STK32B: variants seen among roughly 807,000 people sequenced by gnomAD.
STK32B encodes the protein serine/threonine kinase 32B.
A neutral mutation model predicts 52.6 loss-of-function variants in STK32B; 43 were observed. That is an observed-to-expected ratio of 0.82 (90% confidence interval 0.64 to 1.05). STK32B has a LOEUF of 1.05. Ranked by LOEUF, STK32B falls within the 50% of genes least tolerant of loss-of-function variation. STK32B has a pLI of 0.00. For synonymous variants in STK32B, 238 were observed against 204.3 expected, an observed-to-expected ratio of 1.17 and a Z score of -1.41; for missense variants, 621 against 534.6, an observed-to-expected ratio of 1.16 and a Z score of -1.59.
At chr4:5,175,199 C>T (rs1172686655) in intron 3 of STK32B, among the ~76,000 whole-genome samples, 9 of 151,822 alleles carry the variant, frequency 5.9e-5, no homozygotes, top group East Asian at 3.9e-4. Flanking sequence ...GTTAGCCATT[C>T]GTCTAATTTT....
intron 1 of STK32B, among the ~76,000 whole-genome samples, chr4:5,095,195 G>T (rs191493567): frequency 6.6e-6 from 1 of 152,148 alleles, no homozygotes; most frequent in African/African-American, 2.4e-5. Context: ...GGTTCAGGTG[G>T]GTAAGGGCAG....
chr4:5,218,456 C>G (rs1000773305), intron 3 of STK32B, among the ~76,000 whole-genome samples: 3 of 152,162 alleles, frequency 2.0e-5, no homozygotes, highest in Non-Finnish European at 2.9e-5. Context: ...TTAGAGCTGA[C>G]TAATGGATTG....
At chr4:5,490,416 G>C (rs1019669888) in intron 11 of STK32B, among the ~76,000 whole-genome samples, 8 of 152,070 alleles carry the variant, frequency 5.3e-5, no homozygotes, top group Non-Finnish European at 1.0e-4. Context: ...CTGTTAGGCA[G>C]TCTTATGAAG....
At chr4:5,374,293 G>A (rs547204650) in intron 4 of STK32B, among the ~76,000 whole-genome samples, 16 of 152,264 alleles carry the variant, frequency 1.1e-4, no homozygotes, top group African/African-American at 3.4e-4. Flanking sequence ...CATGATTTTT[G>A]CTTTATCTGG....
At chr4:5,496,700 G>T (rs1720290117) in intron 11 of STK32B, among the ~76,000 whole-genome samples, 1 of 151,912 alleles carries the variant, frequency 6.6e-6, no homozygotes, top group African/African-American at 2.4e-5. Flanking sequence ...CTTGGCCCCA[G>T]GCCCATTTTC....
At chr4:5,255,515 G>A (rs866391284) in intron 3 of STK32B, among the ~76,000 whole-genome samples, 5 of 151,270 alleles carry the variant, frequency 3.3e-5, no homozygotes, top group Admixed American at 2.0e-4. Context: ...TATGCTTGTC[G>A]GTGACAACCA....
intron 3 of STK32B, among the ~76,000 whole-genome samples, chr4:5,314,606 G>C (rs1319507764): frequency 6.6e-6 from 1 of 152,268 alleles, no homozygotes; most frequent in Non-Finnish European, 1.5e-5. Context: ...GGAGGCGGAG[G>C]TTGCAGTGAG....
At chr4:5,092,876 G>A (rs981420110) in intron 1 of STK32B, among the ~76,000 whole-genome samples, 5 of 152,096 alleles carry the variant, frequency 3.3e-5, no homozygotes, top group African/African-American at 1.2e-4. Flanking sequence ...GGGGGACACA[G>A]ATCCAAACTG....
At chr4:5,444,203 G>GCTGC (rs948941695) in intron 6 of STK32B, among the ~76,000 whole-genome samples, 1 of 152,152 alleles carries the variant, frequency 6.6e-6, no homozygotes, top group Non-Finnish European at 1.5e-5. Flanking sequence ...CCCCAGCCTC[G>GCTGC]CTGCCGCCTT....
chr4:5,122,321 G>T (rs1252209834), intron 1 of STK32B, among the ~76,000 whole-genome samples: 1 of 146,390 alleles, frequency 6.8e-6, no homozygotes, highest in African/African-American at 2.7e-5. Flanking sequence ...CATTAATTCA[G>T]TCACCCATTC....
chr4:5,291,146 A>G (rs575463551), intron 3 of STK32B, among the ~76,000 whole-genome samples: 1 of 152,206 alleles, frequency 6.6e-6, no homozygotes, highest in South Asian at 2.1e-4. Context: ...TATTTTGGTG[A>G]TTATGTATCT....
intron 1 of STK32B, among the ~76,000 whole-genome samples, chr4:5,138,584 G>T (rs184203327): frequency 1.2e-4 from 19 of 152,272 alleles, no homozygotes; most frequent in Admixed American, 1.2e-3. Flanking sequence ...ACTAAACACT[G>T]TGCTGAGTGC....
intron 2 of STK32B, among the ~76,000 whole-genome samples, chr4:5,165,262 C>T (rs527781594): frequency 6.6e-6 from 1 of 152,254 alleles, no homozygotes; most frequent in South Asian, 2.1e-4. Flanking sequence ...AGGCTGCATC[C>T]AATATCCTGT....
intron 4 of STK32B, chr4:5,345,438 C>T (rs1016068530): frequency 4.0e-5 from 6 of 151,548 alleles, no homozygotes; most frequent in African/African-American, 1.2e-4. Flanking sequence ...GGCAAATAAA[C>T]GATACACTAA....
chr4:5,491,446 T>C (rs982059199), intron 11 of STK32B, among the ~76,000 whole-genome samples: 5 of 152,196 alleles, frequency 3.3e-5, no homozygotes, highest in Admixed American at 1.3e-4. Context: ...TCTTGTAAAT[T>C]TGTTTGAGTT....
chr4:5,345,363 TG>T (rs1560338820), intron 4 of STK32B: 1 of 152,052 alleles, frequency 6.6e-6, no homozygotes, highest in African/African-American at 2.4e-5. Context: ...CTTCAAACTC[TG>T]TCTTTAAATT....
At chr4:5,106,299 TC>T (rs1306134146) in intron 1 of STK32B, among the ~76,000 whole-genome samples, 1 of 152,094 alleles carries the variant, frequency 6.6e-6, no homozygotes, top group Admixed American at 6.5e-5. Flanking sequence ...AGACTCCATC[TC>T]AAAAAAAACT....
rs375108000 is a variant in STK32B at position 5,324,192 on chromosome 4, A to G, written c.261-7028A>G. Among the ~76,000 whole-genome samples, 39 of 152,296 alleles carry G rather than the reference A, an allele frequency of 2.6e-4. No homozygotes were observed. In the South Asian group the frequency reaches 7.2e-3, roughly 28 times the overall value. On this transcript the variant is annotated intron_variant, in intron 3 of 11. Transcript: ENST00000282908. ...AACATGATGAAACCTTGTCACTTTT[A>G]AAAATATAAAAGCTAGTCAGGTGTG...
At chr4:5,027,835 T>C in the STK32B span, among the ~76,000 whole-genome samples, 2 of 152,072 alleles carry the variant, frequency 1.3e-5, no homozygotes, top group African/African-American at 4.8e-5. Flanking sequence ...TTGCCAGCAG[T>C]TAAGTCTTTT....
Sources: allele counts gnomAD v4.1 joint callset (sites outside exome capture counted in the v4.1 genomes callset), GRCh38; gene constraint gnomAD v4.1.1; transcripts MANE v1.5; gene names NCBI Gene and HGNC (gene_info 2026-07-23, HGNC 2026-07-21).